The following LIPA variants were observed in gnomAD, a reference collection of about 807,000 sequenced individuals.
LIPA encodes lysosomal acid lipase/cholesteryl ester hydrolase.
LIPA carries 26 observed loss-of-function variants against 40.6 expected under a neutral mutation model. The observed-to-expected ratio is 0.64, with a 90% CI of 0.47 to 0.89. The LOEUF is 0.89. LIPA is among the 40% of genes least tolerant of loss of function. LIPA has a pLI of 0.00. For missense variants in LIPA, 455 were observed against 479.6 expected, an observed-to-expected ratio of 0.95 and a Z score of 0.48; for synonymous variants, 188 against 168.4, an observed-to-expected ratio of 1.12 and a Z score of -0.90.
chr10:89,266,435 A>G (rs1287586355), intron 1 of LIPA, among the ~76,000 whole-genome samples: 1 of 152,240 alleles, frequency 6.6e-6, no homozygotes, highest in Non-Finnish European at 1.5e-5. Context: ...GGTTCAGTGT[A>G]CACAAACATT....
At chr10:89,250,916 C>G (rs893016200) in intron 1 of LIPA, among the ~76,000 whole-genome samples, 1 of 152,176 alleles carries the variant, frequency 6.6e-6, no homozygotes, top group South Asian at 2.1e-4. Context: ...ACACCTTTAT[C>G]TCAGTTATTT....
intron 1 of LIPA, among the ~76,000 whole-genome samples, chr10:89,294,063 G>A (rs370594990): frequency 6.6e-6 from 1 of 152,276 alleles, no homozygotes; most frequent in African/African-American, 2.4e-5. Flanking sequence ...TTTGATGAAC[G>A]AATGGTGAAT....
chr10:89,356,975 G>C (rs1007180150), intron 2 of LIPA, among the ~76,000 whole-genome samples: 2 of 152,162 alleles, frequency 1.3e-5, no homozygotes, highest in African/African-American at 2.4e-5. Flanking sequence ...GAGGTTGGGG[G>C]ATGGGGCTGA....
chr10:89,314,604 G>T (rs914764215), intron 1 of LIPA: 5 of 152,226 alleles, frequency 3.3e-5, no homozygotes, highest in African/African-American at 7.2e-5. Flanking sequence ...GGAGGTGAAG[G>T]TTGCAGTGAG....
At chr10:89,400,093 A>G (rs1039496948) in intron 2 of LIPA, among the ~76,000 whole-genome samples, 1 of 152,224 alleles carries the variant, frequency 6.6e-6, no homozygotes, top group African/African-American at 2.4e-5. Flanking sequence ...CAGATAAGTA[A>G]GGGTTTTTTT....
At chr10:89,410,127 C>T (rs543121331) in intron 2 of LIPA, among the ~76,000 whole-genome samples, 9 of 152,304 alleles carry the variant, frequency 5.9e-5, no homozygotes, top group African/African-American at 2.2e-4. Flanking sequence ...AAAAGGCTGG[C>T]CTCACTGTTT....
intron 3 of LIPA, among the ~76,000 whole-genome samples, chr10:89,235,067 G>C (rs1048076084): frequency 1.3e-5 from 2 of 152,260 alleles, no homozygotes; most frequent in African/African-American, 4.8e-5. Flanking sequence ...ACACACTGAG[G>C]CCTTCCGGCT....
intron 3 of LIPA, among the ~76,000 whole-genome samples, chr10:89,242,894 G>A (rs909912648): frequency 6.6e-6 from 1 of 152,086 alleles, no homozygotes; most frequent in African/African-American, 2.4e-5. Flanking sequence ...TATTTCAGGC[G>A]CCCAGTTAAG....
intron 1 of LIPA, chr10:89,306,910 C>T (rs150267128): frequency 3.7e-5 from 60 of 1,613,930 alleles, no homozygotes; most frequent in South Asian, 1.8e-4. Flanking sequence ...TAATAGGACA[C>T]GCTGTGGCTC....
chr10:89,354,818 G>A (rs1001158665), intron 2 of LIPA, among the ~76,000 whole-genome samples: 12 of 152,080 alleles, frequency 7.9e-5, no homozygotes, highest in Non-Finnish European at 1.2e-4. Flanking sequence ...CACCTGCCTC[G>A]GCCTCCCAAA....
At chr10:89,221,789 A>G (rs1367437715) in intron 8 of LIPA, among the ~76,000 whole-genome samples, 1 of 152,232 alleles carries the variant, frequency 6.6e-6, no homozygotes, top group Non-Finnish European at 1.5e-5. Flanking sequence ...TACTATTTCT[A>G]TCCATGTCTT....
intron 2 of LIPA, chr10:89,383,490 C>T: frequency 6.2e-7 from 1 of 1,614,210 alleles, no homozygotes; most frequent in African/African-American, 1.3e-5. Flanking sequence ...ACCTACTAGC[C>T]TATGTGAAAC....
At chr10:89,379,868 T>C (rs1844149616) in intron 2 of LIPA, among the ~76,000 whole-genome samples, 1 of 151,866 alleles carries the variant, frequency 6.6e-6, no homozygotes, top group Admixed American at 6.6e-5. Flanking sequence ...CCCCGCCTCT[T>C]CTAAAAAATA....
chr10:89,312,604 C>G (rs190462133), intron 1 of LIPA, among the ~76,000 whole-genome samples: 2 of 151,702 alleles, frequency 1.3e-5, no homozygotes, highest in African/African-American at 4.8e-5. Context: ...GTCAGGAGAT[C>G]GAGACCCTCC....
chr10:89,392,573 T>A, intron 2 of LIPA: 3 of 631,686 alleles, frequency 4.7e-6, no homozygotes, highest in East Asian at 4.2e-5. Flanking sequence ...GCTTACACCA[T>A]TGGCTGCTGT....
chr10:89,370,484 T>C (rs1844085770), intron 2 of LIPA, among the ~76,000 whole-genome samples: 3 of 152,190 alleles, frequency 2.0e-5, no homozygotes, highest in South Asian at 2.1e-4. Context: ...ATCTTCCCAA[T>C]TGGCCTTGGA....
chr10:89,410,498 T>C (rs1841460428), intron 2 of LIPA, among the ~76,000 whole-genome samples: 1 of 152,208 alleles, frequency 6.6e-6, no homozygotes. Context: ...TTATGGAGAA[T>C]GGGATACAAA....
chr10:89,301,795 C>T (rs1843446507), intron 1 of LIPA, among the ~76,000 whole-genome samples: 1 of 152,038 alleles, frequency 6.6e-6, no homozygotes, highest in South Asian at 2.1e-4. Flanking sequence ...GAGCAATGTC[C>T]CCAGACCCAT....
chr10:89,321,209 T>G (rs568916100), intron 1 of LIPA, among the ~76,000 whole-genome samples: 153 of 151,856 alleles, frequency 1.0e-3, no homozygotes, highest in African/African-American at 3.5e-3. Context: ...AAAGCCAAAA[T>G]TGACAAATGG....
Sources: gnomAD v4.1 joint callset for allele counts (sites outside exome capture counted in the v4.1 genomes callset) on GRCh38, gnomAD v4.1.1 for gene constraint, MANE v1.5 for transcripts, NCBI Gene and HGNC (gene_info 2026-07-23, HGNC 2026-07-21) for gene names.